The following ADAM17 variants were observed in gnomAD, a reference collection of about 807,000 sequenced individuals.
ADAM17 encodes disintegrin and metalloproteinase domain-containing protein 17.
ADAM17 carries 39 observed loss-of-function variants against 96.7 expected under a neutral mutation model. The ratio of observed to expected loss-of-function variants is 0.40; its 90% confidence interval spans 0.31 to 0.53. The LOEUF (loss-of-function observed/expected upper bound fraction) is 0.53, where lower values mean the gene tolerates loss of function less well. Ranked by LOEUF, ADAM17 falls within the 20% of genes least tolerant of loss-of-function variation. The pLI is 0.44. For missense variants in ADAM17, 777 were observed against 1,013.2 expected, an observed-to-expected ratio of 0.77 and a Z score of 3.17; for synonymous variants, 344 against 359.2, an observed-to-expected ratio of 0.96 and a Z score of 0.48.
chr2:9,519,369 A>T (rs562823821), intron 8 of ADAM17, among the ~76,000 whole-genome samples: 1 of 152,252 alleles, frequency 6.6e-6, no homozygotes, highest in East Asian at 1.9e-4. Context: ...TGTCAACATA[A>T]GTCATTTTTC....
intron 2 of ADAM17, among the ~76,000 whole-genome samples, chr2:9,541,495 G>A (rs2125039480): frequency 6.6e-6 from 1 of 152,270 alleles, no homozygotes; most frequent in South Asian, 2.1e-4. Flanking sequence ...CCCGAGAGGT[G>A]GAGGCTTCAG....
Position 9,527,895 on chromosome 2 carries a change from T to G in ADAM17, c.510A>C (p.Glu170Asp). 2 of 1,594,590 alleles carry G rather than the reference T, an allele frequency of 1.3e-6. No individual in the cohort carries two copies. Among genetic ancestry groups the G allele is most frequent in the South Asian group, 2.3e-5 (2 of 87,590 alleles). The change falls in exon 5 of 19, where the codon GAA (glutamate) becomes GAC (aspartate). Residue 170 changes from glutamate (E) to aspartate (D), a missense_variant. Coordinates refer to ENST00000310823, the MANE Select transcript of ADAM17 (RefSeq NM_003183.6). ...KDKRMLVYKS[E>D]DIKNVSRLQS... is the part of the protein sequence containing the mutation. ...GCAAACGTGAAACATTCTTGATATC[T>G]TCAGATTTATAAACTAACATTCTTT...
chr2:9,493,355 C>G (rs991587539), intron 16 of ADAM17, among the ~76,000 whole-genome samples: 7 of 152,024 alleles, frequency 4.6e-5, no homozygotes, highest in Non-Finnish European at 7.4e-5. Context: ...CATGATATAC[C>G]CTGCTTCTGC....
chr2:9,552,361 T>G (rs956282589), intron 1 of ADAM17, among the ~76,000 whole-genome samples: 1 of 152,240 alleles, frequency 6.6e-6, no homozygotes, highest in Admixed American at 6.5e-5. Flanking sequence ...TCTTGAAATA[T>G]GGTTTATCTC....
At chr2:9,498,179 G>A (rs1572890453) in intron 13 of ADAM17, among the ~76,000 whole-genome samples, 2 of 151,936 alleles carry the variant, frequency 1.3e-5, no homozygotes, top group South Asian at 2.1e-4. Context: ...TCAGGCGTAC[G>A]CCACCATACC....
At chr2:9,552,779 TC>T (rs1474418111) in intron 1 of ADAM17, among the ~76,000 whole-genome samples, 1 of 152,310 alleles carries the variant, frequency 6.6e-6, no homozygotes, top group South Asian at 2.1e-4. Flanking sequence ...CTCATAACTT[TC>T]CTAAATTATG....
chr2:9,531,739 C>T (rs922685063), intron 4 of ADAM17, among the ~76,000 whole-genome samples: 1 of 152,022 alleles, frequency 6.6e-6, no homozygotes, highest in African/African-American at 2.4e-5. Flanking sequence ...TATTATCTCA[C>T]TATGCAAGTT....
intron 10 of ADAM17, among the ~76,000 whole-genome samples, chr2:9,512,054 A>G (rs1663771204): frequency 1.3e-5 from 2 of 152,030 alleles, no homozygotes; most frequent in South Asian, 2.1e-4. Flanking sequence ...TAAGGGGGGG[A>G]AATCACTCCA....
chr2:9,524,401 G>C (rs1391000380), intron 6 of ADAM17, among the ~76,000 whole-genome samples: 2 of 152,048 alleles, frequency 1.3e-5, no homozygotes, highest in Admixed American at 1.3e-4. Flanking sequence ...GAGGTGGGAA[G>C]ATTGCTTTGG....
At chr2:9,534,107 C>T (rs78503025) in intron 4 of ADAM17, among the ~76,000 whole-genome samples, 1,745 of 152,302 alleles carry the variant, frequency 0.011, 14 homozygotes, top group Non-Finnish European at 0.018. Flanking sequence ...CAGTGGCTCA[C>T]GCCTATAATC....
At chr2:9,500,090 T>G (rs973102577) in intron 13 of ADAM17, among the ~76,000 whole-genome samples, 4 of 37,202 alleles carry the variant, frequency 1.1e-4, no homozygotes, top group East Asian at 9.4e-4. Flanking sequence ...CAAAAACTCA[T>G]AGATAAATGT....
rs4278906 is a variant in ADAM17, at chr2:9,521,460, C to T, written c.844-144G>A. 0.6 allele frequency: 281,466 copies of T among 468,226 alleles called. 90,771 individuals carry two copies. Among genetic ancestry groups the T allele is most frequent in the Middle Eastern group, 0.72 (1,264 of 1,750 alleles). 29.0% of individuals were successfully genotyped at this position (468,226 alleles called of 1,614,324 possible). On this transcript the variant is annotated intron_variant, in intron 7 of 18. Coordinates refer to ENST00000310823, the MANE Select transcript of ADAM17 (RefSeq NM_003183.6). ...CCAAAATTCATAAATTCTTCAGTAC[C>T]AATATTCAATGTTTGAAACAAACAG...
chr2:9,537,133 G>T (rs1451877893), intron 2 of ADAM17, among the ~76,000 whole-genome samples: 2 of 152,190 alleles, frequency 1.3e-5, no homozygotes, highest in Non-Finnish European at 2.9e-5. Context: ...TGACTGCGTA[G>T]TTAAGTTGGA....
intron 13 of ADAM17, among the ~76,000 whole-genome samples, chr2:9,500,397 T>C (rs6745500): frequency 0.52 from 78,761 of 152,032 alleles, 21,318 homozygotes; most frequent in Middle Eastern, 0.67. Flanking sequence ...TGCTCTGAGT[T>C]GTGGGGAATG....
At chr2:9,540,930 T>C (rs1388328063) in intron 2 of ADAM17, among the ~76,000 whole-genome samples, 1 of 152,206 alleles carries the variant, frequency 6.6e-6, no homozygotes, top group Non-Finnish European at 1.5e-5. Context: ...AACTCATATA[T>C]TGCTGCTGGA....
intron 11 of ADAM17, among the ~76,000 whole-genome samples, chr2:9,508,641 T>G (rs1663553831): frequency 6.6e-6 from 1 of 152,136 alleles, no homozygotes; most frequent in African/African-American, 2.4e-5. Flanking sequence ...TAAAATAGAA[T>G]TTACAATTCA....
intron 1 of ADAM17, among the ~76,000 whole-genome samples, chr2:9,552,377 C>T (rs1665613313): frequency 6.6e-6 from 1 of 152,170 alleles, no homozygotes; most frequent in African/African-American, 2.4e-5. Context: ...ATCTCTTAGA[C>T]TAATATAAAG....
At chr2:9,532,334 C>G (rs1032079726) in intron 4 of ADAM17, among the ~76,000 whole-genome samples, 1 of 151,966 alleles carries the variant, frequency 6.6e-6, no homozygotes, top group East Asian at 1.9e-4. Context: ...CACTTATGAA[C>G]TATAAAAGTA....
At chr2:9,494,585 A>G (rs1662417963) in intron 15 of ADAM17, 52 bp downstream of exon 15, 18 of 1,600,266 alleles carry the variant, frequency 1.1e-5, no homozygotes. Context: ...TACTTACAAA[A>G]TAAAAACTTC....
Sources: allele counts gnomAD v4.1 joint callset (sites outside exome capture counted in the v4.1 genomes callset), GRCh38; gene constraint gnomAD v4.1.1; transcripts MANE v1.5; gene names NCBI Gene and HGNC (gene_info 2026-07-23, HGNC 2026-07-21).